The following PROM1 variants were observed in gnomAD, a reference collection of about 807,000 sequenced individuals.
PROM1 encodes prominin 1.
PROM1 carries 105 observed loss-of-function variants against 116.9 expected under a neutral mutation model. The ratio of observed to expected loss-of-function variants is 0.90; its 90% CI spans 0.77 to 1.06. The LOEUF (loss-of-function observed/expected upper bound fraction) is 1.06. PROM1 is among the 50% of genes least tolerant of loss of function. The pLI is 0.00. For synonymous variants in PROM1, 393 were observed against 387.0 expected, an observed-to-expected ratio of 1.02 and a Z score of -0.18; for missense variants, 1,122 against 1,045.2, an observed-to-expected ratio of 1.07 and a Z score of -1.01.
At chr4:15,974,770 A>C (rs1715675940) in intron 26 of PROM1, among the ~76,000 whole-genome samples, 1 of 151,990 alleles carries the variant, frequency 6.6e-6, no homozygotes, top group South Asian at 2.1e-4. Context: ...CGCATCAGCC[A>C]GAGTCTTTTC....
intron 2 of PROM1, among the ~76,000 whole-genome samples, chr4:16,066,153 C>T (rs1741482621): frequency 1.3e-5 from 2 of 152,206 alleles, no homozygotes; most frequent in African/African-American, 4.8e-5. Context: ...GAATACACTT[C>T]TGCCATTTTA....
At chr4:16,023,230 G>T in intron 8 of PROM1, 96 bp downstream of exon 8, 2 of 1,135,394 alleles carry the variant, frequency 1.8e-6, no homozygotes, top group African/African-American at 1.5e-5. Flanking sequence ...CTCTCCCCAA[G>T]CCAGCTCTCA....
At chr4:15,989,669 C>G (rs919646653) in intron 19 of PROM1, 63 bp downstream of exon 19, 1 of 1,354,002 alleles carries the variant, frequency 7.4e-7, no homozygotes, top group Non-Finnish European at 1.0e-6. Flanking sequence ...TAAATGAAAG[C>G]CAACTAGCTG....
rs146434364 is a variant in PROM1, at chr4:15,980,426, C to T, written c.2485G>A (p.Asp829Asn). Reference protein sequence around the residue: ...YRRMDSEDVYDDVETIPMKNM... With the variant: ...YRRMDSEDVYNDVETIPMKNM... ...TGTGGAAGCCCACATACTTACTCAT[C>T]GTACACGTCCTCCGAATCCATTCGA... The change falls in exon 24 of 28, where the codon GAT (aspartate) becomes AAT (asparagine). Residue 829 changes from aspartate (D) to asparagine (N), a missense_variant. Transcript: ENST00000447510. 628 of 1,541,776 alleles carry T rather than the reference C, an allele frequency of 4.1e-4. 8 individuals are homozygous for T. In the East Asian group the frequency reaches 0.015, roughly 37 times the overall value.
At chr4:16,083,783 C>T (rs1578367955) in intron 1 of PROM1, 195 bp downstream of exon 1, 1 of 152,304 alleles carries the variant, frequency 6.6e-6, no homozygotes, top group East Asian at 1.9e-4. Context: ...ACCACCGCGA[C>T]GGCTTTCGGA....
chr4:16,044,699 C>T (rs543038955), intron 2 of PROM1, among the ~76,000 whole-genome samples: 1 of 152,328 alleles, frequency 6.6e-6, no homozygotes, highest in South Asian at 2.1e-4. Context: ...TAGGTTTGTA[C>T]ATGCATCATT....
intron 23 of PROM1, among the ~76,000 whole-genome samples, chr4:15,981,890 C>T (rs533915952): frequency 1.9e-4 from 29 of 152,274 alleles, no homozygotes; most frequent in Admixed American, 4.6e-4. Flanking sequence ...TCTAAAGTTC[C>T]ATCTCTTAAC....
At chr4:16,058,647 C>T (rs945046672) in intron 2 of PROM1, among the ~76,000 whole-genome samples, 8 of 143,954 alleles carry the variant, frequency 5.6e-5, no homozygotes, top group African/African-American at 2.1e-4. Context: ...ACTCCATCTC[C>T]GGGAAAAAAA....
intron 11 of PROM1, among the ~76,000 whole-genome samples, chr4:16,010,330 C>T (rs142859623): frequency 6.6e-6 from 1 of 152,194 alleles, no homozygotes; most frequent in African/African-American, 2.4e-5. Context: ...ATACTAAGAA[C>T]ACACTAATCA....
chr4:16,029,752 C>T (rs184607907), intron 5 of PROM1, among the ~76,000 whole-genome samples: 1 of 152,218 alleles, frequency 6.6e-6, no homozygotes, highest in Non-Finnish European at 1.5e-5. Flanking sequence ...TATTTTGAGC[C>T]ACAAAATGAA....
At chr4:15,977,621 C>A (rs1034097597) in intron 26 of PROM1, among the ~76,000 whole-genome samples, 2 of 152,096 alleles carry the variant, frequency 1.3e-5, no homozygotes, top group African/African-American at 4.8e-5. Context: ...TATTTAGAGA[C>A]AGAGTCTCCC....
At chr4:16,025,433 C>G in intron 5 of PROM1, 121 bp from the exon 6 acceptor site, 1 of 1,218,100 alleles carries the variant, frequency 8.2e-7, no homozygotes, top group Non-Finnish European at 1.1e-6. Context: ...CCTTTCCTCT[C>G]CCGCTGCCCT....
chr4:15,979,009 A>AGG lies in PROM1; in HGVS notation c.2582+385_2582+386insCC, dbSNP rs1163655077. On this transcript the variant is annotated intron_variant, in intron 26 of 27. Transcript: ENST00000447510. ...AAGGAAAAAAGGAAGGAAGGAAGGA[A>AGG]AGAAGGAAGGAAGGAAGGAAGGAAA... 1.1e-3 allele frequency among the ~76,000 whole-genome samples: 141 copies of AGG among 133,854 alleles called. 1 individual carries two copies. Among genetic ancestry groups the AGG allele is most frequent in the African/African-American group, 4.0e-3 (129 of 32,650 alleles). 87.8% of individuals were successfully genotyped at this position (133,854 alleles called of 152,430 possible).
intron 10 of PROM1, among the ~76,000 whole-genome samples, chr4:16,015,345 CAAA>C (rs71649934): frequency 2.7e-4 from 14 of 51,552 alleles, no homozygotes; most frequent in African/African-American, 9.2e-4. Flanking sequence ...GACTCCATCT[CAAA>C]AAAAAAAAAA....
chr4:16,082,573 C>G (rs1745238943), intron 1 of PROM1: 1 of 152,198 alleles, frequency 6.6e-6, no homozygotes. Flanking sequence ...CCCTTCTGGG[C>G]GGAAGCCTCT....
rs2149206613 is a variant in PROM1, at chr4:16,003,180, C to A, written c.1455-2561G>T. 28 of 406,610 alleles carry A rather than the reference C, an allele frequency of 6.9e-5. 1 individual carries two copies. The highest frequency in any genetic ancestry group is 4.7e-4 in the South Asian group (27 of 56,932). 25.2% of individuals were successfully genotyped at this position (406,610 alleles called of 1,614,324 possible). On this transcript the variant is annotated intron_variant, in intron 13 of 27. Transcript: ENST00000447510. ...CAAATTAGGACTGTCACCTAGTTAT[C>A]ATTTCAGGGGCCATGTGATCTTCCA... is the stretch of plus-strand genomic sequence containing the variant.
chr4:16,009,802 T>C (rs1578003494), intron 11 of PROM1, among the ~76,000 whole-genome samples: 1 of 151,266 alleles, frequency 6.6e-6, no homozygotes, highest in East Asian at 1.9e-4. Context: ...TACCCAGCTG[T>C]GGTGGCGCAT....
chr4:16,020,256 A>C (rs1409231653), intron 8 of PROM1, among the ~76,000 whole-genome samples: 1 of 152,232 alleles, frequency 6.6e-6, no homozygotes, highest in Non-Finnish European at 1.5e-5. Flanking sequence ...TGAATAGAAA[A>C]CCTTAAACTC....
chr4:16,064,064 A>G (rs956629361), intron 2 of PROM1, among the ~76,000 whole-genome samples: 2 of 152,202 alleles, frequency 1.3e-5, no homozygotes, highest in Non-Finnish European at 2.9e-5. Context: ...ACTTTTTGGC[A>G]GTATTACTAG....
Sources: allele counts gnomAD v4.1 joint callset (sites outside exome capture counted in the v4.1 genomes callset), GRCh38; gene constraint gnomAD v4.1.1; transcripts MANE v1.5; gene names NCBI Gene and HGNC (gene_info 2026-07-23, HGNC 2026-07-21).